The following NRXN3 variants were observed in gnomAD, a reference collection of about 807,000 sequenced individuals.
The protein encoded by NRXN3 is neurexin 3, also known as neurexin III.
A neutral mutation model predicts 137.6 loss-of-function variants in NRXN3; 32 were observed. The observed-to-expected ratio is 0.23, with a 90% confidence interval of 0.18 to 0.31. The LOEUF (loss-of-function observed/expected upper bound fraction) is 0.31, where lower values mean the gene tolerates loss of function less well. Among genes scored for constraint, NRXN3 ranks in the 10% least tolerant of loss-of-function variants. NRXN3 has a pLI of 1.00. For missense variants in NRXN3, 1,574 were observed against 2,062.5 expected (o/e 0.76, Z 4.59); for synonymous variants, 798 against 784.5 (o/e 1.02, Z -0.29).
chr14:78,430,142 G>A (rs1464961004), intron 4 of NRXN3, among the ~76,000 whole-genome samples: 1 of 152,186 alleles, frequency 6.6e-6, no homozygotes, highest in Non-Finnish European at 1.5e-5. Context: ...GGAGGCTAAG[G>A]TGGGAAGACC....
intron 10 of NRXN3, among the ~76,000 whole-genome samples, chr14:78,897,846 A>C (rs145295606): frequency 0.01 from 1,529 of 152,048 alleles, 22 homozygotes; most frequent in African/African-American, 0.033. Context: ...TTTCATCATC[A>C]GGGCTTCCTT....
intron 15 of NRXN3, among the ~76,000 whole-genome samples, chr14:79,415,581 A>G (rs534297950): frequency 2.0e-5 from 3 of 152,226 alleles, no homozygotes; most frequent in Non-Finnish European, 2.9e-5. Flanking sequence ...CTGTTACTCA[A>G]AAGAGGGATT....
At chr14:78,215,764 AG>A (rs1249281049) in intron 1 of NRXN3, among the ~76,000 whole-genome samples, 1 of 14,906 alleles carries the variant, frequency 6.7e-5, no homozygotes, top group Non-Finnish European at 1.2e-4. Flanking sequence ...TTTGTGCTGC[AG>A]GGGGGTGGGG....
intron 16 of NRXN3, among the ~76,000 whole-genome samples, chr14:79,487,407 G>A (rs1015472038): frequency 6.6e-6 from 1 of 152,036 alleles, no homozygotes. Flanking sequence ...AACAGACACC[G>A]AGGCCCATGT....
intron 10 of NRXN3, among the ~76,000 whole-genome samples, chr14:78,922,431 CAG>C (rs1368249498): frequency 2.0e-5 from 3 of 152,028 alleles, no homozygotes; most frequent in Admixed American, 1.3e-4. Context: ...GGTCACAAAA[CAG>C]AAAAAAATGT....
chr14:78,386,618 A>G (rs981281285), intron 4 of NRXN3, among the ~76,000 whole-genome samples: 6 of 152,212 alleles, frequency 3.9e-5, no homozygotes, highest in African/African-American at 1.2e-4. Context: ...TTCTTACTTT[A>G]TGGATGAACA....
chr14:78,519,155 C>A (rs949036936), intron 4 of NRXN3, among the ~76,000 whole-genome samples: 1 of 152,058 alleles, frequency 6.6e-6, no homozygotes, highest in African/African-American at 2.4e-5. Flanking sequence ...AAAAACCTTA[C>A]AAGAAAGTTG....
At chr14:78,991,702 T>C (rs1337077231) in intron 15 of NRXN3, among the ~76,000 whole-genome samples, 4 of 152,240 alleles carry the variant, frequency 2.6e-5, no homozygotes, top group Admixed American at 2.6e-4. Context: ...TGTAAGGCTC[T>C]AAAAATGTCT....
At chr14:79,016,377 A>G (rs925255596) in intron 15 of NRXN3, among the ~76,000 whole-genome samples, 4 of 152,212 alleles carry the variant, frequency 2.6e-5, no homozygotes, top group Non-Finnish European at 5.9e-5. Flanking sequence ...CAAAAAAAGC[A>G]TCTTGTGCAA....
intron 4 of NRXN3, chr14:78,404,024 G>C (rs2092309625): frequency 3.0e-6 from 1 of 332,230 alleles, no homozygotes; most frequent in Non-Finnish European, 4.3e-6. Context: ...GTTTGAAGTA[G>C]CCAAATGAAC....
intron 2 of NRXN3, among the ~76,000 whole-genome samples, chr14:78,259,085 T>C (rs1051836040): frequency 1.6e-4 from 23 of 148,134 alleles, no homozygotes; most frequent in African/African-American, 5.6e-4. Flanking sequence ...TGAGCCAAGA[T>C]CGTGCTACTG....
intron 10 of NRXN3, among the ~76,000 whole-genome samples, chr14:78,831,534 CAAAAAAAAAAAAAAA>C (rs372852083): frequency 1.7e-5 from 1 of 58,192 alleles, no homozygotes; most frequent in African/African-American, 8.6e-5. Context: ...GACTCCATGT[CAAAAAAAAAAAAAAA>C]AAAAAAAAAA....
intron 15 of NRXN3, among the ~76,000 whole-genome samples, chr14:79,392,969 C>CAAA (rs3036678): frequency 0.028 from 1,635 of 58,784 alleles, 103 homozygotes; most frequent in East Asian, 0.2. Context: ...GGCTCCATCT[C>CAAA]AAAAAAAAAA....
chr14:79,230,361 A>G (rs2071936669), intron 15 of NRXN3, among the ~76,000 whole-genome samples: 2 of 152,082 alleles, frequency 1.3e-5, no homozygotes, highest in South Asian at 4.1e-4. Flanking sequence ...TAAAGTGACA[A>G]GGGTTGCCTA....
intron 19 of NRXN3, among the ~76,000 whole-genome samples, chr14:79,794,287 C>G (rs1015914710): frequency 6.6e-6 from 1 of 152,100 alleles, no homozygotes; most frequent in Non-Finnish European, 1.5e-5. Context: ...TTGCTTGAAC[C>G]TGGGAGGCGG....
intron 16 of NRXN3, among the ~76,000 whole-genome samples, chr14:79,627,458 A>G (rs1265988097): frequency 6.6e-6 from 1 of 152,204 alleles, no homozygotes; most frequent in African/African-American, 2.4e-5. Flanking sequence ...CCACACCCCA[A>G]AAGAATAACA....
At chr14:79,517,138 A>G (rs935063131) in intron 16 of NRXN3, among the ~76,000 whole-genome samples, 4 of 143,498 alleles carry the variant, frequency 2.8e-5, no homozygotes, top group Admixed American at 1.4e-4. Context: ...CACCTCACCA[A>G]TAGAGACTGT....
chr14:79,308,617 C>T (rs1269521066), intron 15 of NRXN3, among the ~76,000 whole-genome samples: 1 of 152,044 alleles, frequency 6.6e-6, no homozygotes, highest in African/African-American at 2.4e-5. Context: ...TCTTTCTTAA[C>T]CCTTTTCCTG....
chr14:78,305,845 T>G (rs1415060809), intron 4 of NRXN3, among the ~76,000 whole-genome samples: 1 of 152,128 alleles, frequency 6.6e-6, no homozygotes, highest in Non-Finnish European at 1.5e-5. Flanking sequence ...ATCGCTTTGT[T>G]TTTTCAAGAA....
Sources: allele counts gnomAD v4.1 joint callset (sites outside exome capture counted in the v4.1 genomes callset), GRCh38; gene constraint gnomAD v4.1.1; transcripts MANE v1.5; gene names NCBI Gene and HGNC (gene_info 2026-07-23, HGNC 2026-07-21).